GRID2: variants seen among roughly 807,000 people sequenced by gnomAD.
The protein encoded by GRID2 is glutamate receptor ionotropic, delta-2.
Under a neutral mutation model 114.8 loss-of-function variants are expected in GRID2, and 33 were observed. The ratio of observed to expected loss-of-function variants is 0.29; its 90% CI spans 0.22 to 0.38. The LOEUF (loss-of-function observed/expected upper bound fraction) is 0.38. Ranked by LOEUF, GRID2 falls within the 10% of genes least tolerant of loss-of-function variation. The pLI, the probability that GRID2 is intolerant of heterozygous loss-of-function variation, is 1.00. For missense variants in GRID2, 1,184 were observed against 1,257.7 expected (o/e 0.94, Z 0.89); for synonymous variants, 505 against 449.9 (o/e 1.12, Z -1.55).
chr4:93,679,382 T>C (rs1470610259), intron 14 of GRID2, among the ~76,000 whole-genome samples: 11 of 150,584 alleles, frequency 7.3e-5, no homozygotes, highest in East Asian at 5.8e-4. Context: ...GACAGAAAGT[T>C]AACAAGGATA....
At chr4:93,644,122 C>T (rs1721876017) in intron 14 of GRID2, among the ~76,000 whole-genome samples, 1 of 84,926 alleles carries the variant, frequency 1.2e-5, no homozygotes, top group East Asian at 2.3e-4. Flanking sequence ...AGGGAACTCC[C>T]TGACCCCTTG....
At chr4:93,728,925 A>T (rs114790067) in intron 14 of GRID2, among the ~76,000 whole-genome samples, 2 of 152,058 alleles carry the variant, frequency 1.3e-5, no homozygotes, top group Non-Finnish European at 2.9e-5. Flanking sequence ...ACTGATGGGT[A>T]TTGACTCTTT....
chr4:93,442,199 C>T (rs1302612096), intron 10 of GRID2, among the ~76,000 whole-genome samples: 1 of 151,990 alleles, frequency 6.6e-6, no homozygotes, highest in Non-Finnish European at 1.5e-5. Context: ...GATAAAAATT[C>T]ACTCAATTCT....
chr4:93,584,308 G>A (rs1737320234), intron 13 of GRID2, among the ~76,000 whole-genome samples: 1 of 151,886 alleles, frequency 6.6e-6, no homozygotes, highest in African/African-American at 2.4e-5. Flanking sequence ...AAATAAAACT[G>A]GGAAAAAATA....
chr4:92,789,040 C>T, intron 2 of GRID2, among the ~76,000 whole-genome samples: 1 of 151,868 alleles, frequency 6.6e-6, no homozygotes, highest in East Asian at 1.9e-4. Context: ...GTATTATTTA[C>T]TTAAAAGATA....
At chr4:92,372,982 C>G (rs1024791332) in intron 1 of GRID2, among the ~76,000 whole-genome samples, 2 of 152,066 alleles carry the variant, frequency 1.3e-5, no homozygotes, top group African/African-American at 4.8e-5. Context: ...TTTATTCAAA[C>G]AAGTTGGTTT....
chr4:92,913,917 C>A (rs1283305203), intron 2 of GRID2, among the ~76,000 whole-genome samples: 5 of 152,110 alleles, frequency 3.3e-5, no homozygotes, highest in African/African-American at 1.2e-4. Flanking sequence ...GTACGTTCTA[C>A]TTGTAAGTAC....
At chr4:93,344,032 C>T (rs1355842439) in intron 8 of GRID2, among the ~76,000 whole-genome samples, 1 of 151,974 alleles carries the variant, frequency 6.6e-6, no homozygotes, top group African/African-American at 2.4e-5. Context: ...ATAACATTGT[C>T]TGAAATTTCA....
At chr4:92,380,144 C>T (rs1729546268) in intron 1 of GRID2, among the ~76,000 whole-genome samples, 1 of 150,928 alleles carries the variant, frequency 6.6e-6, no homozygotes, top group Non-Finnish European at 1.5e-5. Context: ...GTTTGGGAAG[C>T]ATTTTTACTT....
chr4:92,653,783 C>T lies in GRID2; in HGVS notation c.244+63497C>T, dbSNP rs75637203. Among the ~76,000 whole-genome samples, 1,117 of 152,120 alleles carry T rather than the reference C, an allele frequency of 7.3e-3. 18 individuals carry two copies. The highest frequency in any genetic ancestry group is 0.066 in the South Asian group (316 of 4,816). On this transcript the variant is annotated intron_variant, in intron 2 of 15. Transcript: ENST00000282020. Reference sequence around the variant, plus strand: ...GGGCATAGCTTCCATTCTTACAGTTCCTAAAATTATCAGTGTGGGCTCATG... The same window carrying T: ...GGGCATAGCTTCCATTCTTACAGTTTCTAAAATTATCAGTGTGGGCTCATG...
intron 8 of GRID2, among the ~76,000 whole-genome samples, chr4:93,262,605 T>C (rs545108730): frequency 6.6e-6 from 1 of 152,124 alleles, no homozygotes; most frequent in Non-Finnish European, 1.5e-5. Flanking sequence ...TATGCAAAAC[T>C]TGGAAAAGAA....
intron 8 of GRID2, among the ~76,000 whole-genome samples, chr4:93,254,376 A>G (rs1433857070): frequency 2.0e-5 from 3 of 152,128 alleles, no homozygotes; most frequent in Admixed American, 2.0e-4. Context: ...AGTAAAATGA[A>G]TGCATCTAGC....
intron 12 of GRID2, among the ~76,000 whole-genome samples, chr4:93,513,433 A>G (rs1390520636): frequency 6.6e-6 from 1 of 152,210 alleles, no homozygotes. Flanking sequence ...CAAGATAATT[A>G]TGGTATGACC....
chr4:92,632,857 C>G (rs1158826601), intron 2 of GRID2, among the ~76,000 whole-genome samples: 1 of 152,094 alleles, frequency 6.6e-6, no homozygotes, highest in Non-Finnish European at 1.5e-5. Context: ...AGTGTTTTCT[C>G]TTTATGGCAT....
At chr4:92,836,018 A>G (rs1424575109) in intron 2 of GRID2, among the ~76,000 whole-genome samples, 1 of 152,148 alleles carries the variant, frequency 6.6e-6, no homozygotes. Flanking sequence ...GCTTTCATTT[A>G]TATCAGAGGT....
chr4:92,852,273 T>C (rs1206040527), intron 2 of GRID2, among the ~76,000 whole-genome samples: 1 of 151,832 alleles, frequency 6.6e-6, no homozygotes, highest in Non-Finnish European at 1.5e-5. Context: ...TACCTTTTTT[T>C]CTCAGCTGAA....
chr4:93,177,163 T>C (rs1485524612), intron 4 of GRID2, among the ~76,000 whole-genome samples: 3 of 152,172 alleles, frequency 2.0e-5, no homozygotes, highest in Non-Finnish European at 2.9e-5. Flanking sequence ...TGAAGCCATA[T>C]ATTAAGTGGG....
intron 4 of GRID2, among the ~76,000 whole-genome samples, chr4:93,145,852 GCACACACACACATACA>G (rs1333478402): frequency 9.7e-6 from 1 of 102,670 alleles, no homozygotes; most frequent in Admixed American, 1.2e-4. Context: ...ATTTGTGCAT[GCACACACACACATACA>G]CACACACACA....
chr4:92,623,226 A>G (rs1161238504), intron 2 of GRID2, among the ~76,000 whole-genome samples: 1 of 151,690 alleles, frequency 6.6e-6, no homozygotes, highest in African/African-American at 2.4e-5. Context: ...ATTGTATTCA[A>G]TAGAATAAGT....
Sources: allele counts gnomAD v4.1 joint callset (sites outside exome capture counted in the v4.1 genomes callset), GRCh38; gene constraint gnomAD v4.1.1; transcripts MANE v1.5; gene names NCBI Gene and HGNC (gene_info 2026-07-23, HGNC 2026-07-21).